COL6A6: variants seen among roughly 807,000 people sequenced by gnomAD.
COL6A6 encodes collagen type VI alpha 6 chain, also known as collagen alpha-6(VI) chain.
In COL6A6, 183 loss-of-function variants were observed where a neutral mutation model predicts 208.6. The ratio of observed to expected loss-of-function variants is 0.88; its 90% confidence interval spans 0.78 to 0.99. COL6A6 has a LOEUF of 0.99. COL6A6 is among the 50% of genes least tolerant of loss of function. COL6A6 has a pLI of 0.00. For synonymous variants in COL6A6, 973 were observed against 1,011.8 expected (o/e 0.96, Z 0.73); for missense variants, 2,816 against 2,815.2 (o/e 1.00, Z -0.01).
chr3:130,581,996 CT>C lies in COL6A6; in HGVS notation c.3902del (p.Leu1301TyrfsTer25). ...TTTTTGAATACTTTCTTAGGTGGTC[CT>C]TTTATTTTCAGATGGATTGGATGAT... is the stretch of plus-strand genomic sequence containing the variant. ...NKSAARGKVV[L>X]LFSDGLDDDV... On this transcript the variant is annotated frameshift_variant, in exon 10 of 37. Coordinates refer to ENST00000358511, the MANE Select transcript of COL6A6 (RefSeq NM_001102608.3). LOFTEE classifies it high-confidence loss of function. 1 of 1,607,878 alleles carries C rather than the reference CT, an allele frequency of 6.2e-7. No individual in the cohort carries two copies. The highest frequency in any genetic ancestry group is 8.5e-7 in the Non-Finnish European group (1 of 1,177,298).
rs2108447230 is a variant in COL6A6 at position 130,658,713 on chromosome 3, C to T, written c.5771C>T (p.Pro1924Leu). ...GGCACATTTCAAGTAATAGTGGTTC[C>T]CTCCGGGGCCGACTACATACCAGCA... ...DTGTFQVIVV[P>L]SGADYIPALE... The change falls in exon 34 of 37, where the codon CCC (proline) becomes CTC (leucine). Residue 1924 changes from proline (P) to leucine (L), a missense_variant. Transcript: ENST00000358511. The T allele has an allele frequency of 6.2e-7, 1 of 1,613,234 alleles. No individual in the cohort carries two copies.
chr3:130,526,257 A>G (rs2061959867), intron 1 of COL6A6, among the ~76,000 whole-genome samples: 1 of 152,098 alleles, frequency 6.6e-6, no homozygotes, highest in African/African-American at 2.4e-5. Context: ...GGAGAATATG[A>G]GTCCCTCTTT....
chr3:130,527,527 G>C (rs561516375), intron 1 of COL6A6, among the ~76,000 whole-genome samples: 1 of 152,326 alleles, frequency 6.6e-6, no homozygotes, highest in African/African-American at 2.4e-5. Context: ...AAGGAGAATA[G>C]AATACAATTA....
chr3:130,597,053 G>T (rs747789387), intron 18 of COL6A6, among the ~76,000 whole-genome samples: 2 of 152,118 alleles, frequency 1.3e-5, no homozygotes, highest in African/African-American at 2.4e-5. Flanking sequence ...AAATGTGCTG[G>T]TATATGATTC....
intron 1 of COL6A6, among the ~76,000 whole-genome samples, chr3:130,538,157 A>C (rs144313978): frequency 2.0e-3 from 306 of 152,362 alleles, no homozygotes; most frequent in Non-Finnish European, 3.8e-3. Context: ...CTGTGACCTG[A>C]GGAAATGCTC....
chr3:130,546,965 C>T (rs1168222000), intron 1 of COL6A6, among the ~76,000 whole-genome samples: 2 of 152,224 alleles, frequency 1.3e-5, no homozygotes, highest in South Asian at 2.1e-4. Context: ...AAAAGTTCTC[C>T]AAGTCCCCAC....
chr3:130,568,585 A>C lies in COL6A6; in HGVS notation c.2382A>C (p.Gly794=). 6.2e-7 allele frequency: 1 copy of C among 1,601,156 alleles called. No homozygotes were observed. Among genetic ancestry groups the C allele is most frequent in the East Asian group, 2.2e-5 (1 of 44,880 alleles). Residue 794 remains glycine, a synonymous_variant, in exon 6 of 37, where the codon GGA becomes GGC. Transcript: ENST00000358511. ...LQRIEDDLVF[G]ICSPREECKR... ...GCATTGAAGATGATCTTGTTTTTGGAATATGCAGCCCCCGTGAAGGTAGGC... is the reference window on the plus strand; with the variant it reads ...GCATTGAAGATGATCTTGTTTTTGGCATATGCAGCCCCCGTGAAGGTAGGC...
intron 33 of COL6A6, among the ~76,000 whole-genome samples, chr3:130,657,488 C>A (rs547209483): frequency 6.6e-6 from 1 of 152,334 alleles, no homozygotes; most frequent in South Asian, 2.1e-4. Flanking sequence ...GGCTTTGCCT[C>A]ATTTGAACAT....
intron 12 of COL6A6, among the ~76,000 whole-genome samples, chr3:130,590,653 C>T (rs1477369796): frequency 1.3e-5 from 2 of 151,766 alleles, no homozygotes; most frequent in African/African-American, 2.4e-5. Context: ...CTGCAAGCTC[C>T]GCCTCCCGGG....
chr3:130,673,642 T>TCTTGA (rs1170306880), intron 36 of COL6A6, among the ~76,000 whole-genome samples: 1 of 152,124 alleles, frequency 6.6e-6, no homozygotes, highest in East Asian at 1.9e-4. Flanking sequence ...GAGTTTATAA[T>TCTTGA]GTTCACTCTG....
In COL6A6 at chr3:130,574,516, G is replaced by T; in HGVS notation, c.3538G>T (p.Gly1180Cys). Residue 1180 changes from glycine to cysteine, a missense_variant, in exon 8 of 37, where the codon GGT becomes TGT. Gly to Cys is a radical substitution (Grantham distance 159). Transcript: ENST00000358511. ...RIVRNICTTA[G>C]ESNCFVDVVV... is the part of the protein sequence containing the mutation. ...CGTTCGCAACATCTGTACCACAGCG[G>T]GTGAAAGCAGTAAGTATTTAGCAAG... 1 of 1,612,724 alleles carries T rather than the reference G, an allele frequency of 6.2e-7. No homozygotes were observed. Among genetic ancestry groups the T allele is most frequent in the Non-Finnish European group, 8.5e-7 (1 of 1,179,100 alleles).
rs552501197 is a variant in COL6A6, at chr3:130,586,672, T to C, written c.4125+12T>C. The C allele has an allele frequency of 6.2e-7, 1 of 1,608,612 alleles. No homozygotes were observed. Among genetic ancestry groups the C allele is most frequent in the African/African-American group, 1.3e-5 (1 of 74,786 alleles). ...TGTCAAAGCAGCTGGTAAGTTATTC[T>C]GAAAAGGCTGGTGAGCTTAAATTTT... On this transcript the variant is annotated intron_variant, in intron 11 of 36. Coordinates refer to ENST00000358511, the MANE Select transcript of COL6A6 (RefSeq NM_001102608.3).
intron 23 of COL6A6, among the ~76,000 whole-genome samples, chr3:130,616,130 G>A (rs2064512788): frequency 6.6e-6 from 1 of 152,016 alleles, no homozygotes; most frequent in Non-Finnish European, 1.5e-5. Flanking sequence ...AAGTTGTTGT[G>A]TCCAAAAGAA....
At chr3:130,557,751 G>T (rs998656392) in intron 1 of COL6A6, among the ~76,000 whole-genome samples, 1 of 152,164 alleles carries the variant, frequency 6.6e-6, no homozygotes, top group South Asian at 2.1e-4. Flanking sequence ...GAATTGGTTT[G>T]TATGGAGCAG....
intron 1 of COL6A6, among the ~76,000 whole-genome samples, chr3:130,548,182 C>CT (rs375672220): frequency 4.6e-5 from 7 of 152,212 alleles, no homozygotes; most frequent in African/African-American, 1.4e-4. Flanking sequence ...TCTTCTCAAA[C>CT]TTTTTTTTAA....
chr3:130,585,301 G>A (rs2063513030), intron 10 of COL6A6, among the ~76,000 whole-genome samples: 1 of 152,080 alleles, frequency 6.6e-6, no homozygotes, highest in African/African-American at 2.4e-5. Context: ...ATGGAATTAG[G>A]CTATCTGGGT....
rs1560023801 is a variant in COL6A6, at chr3:130,582,058, TAGAAA to T, written c.3965_3969del (p.Lys1322ArgfsTer15). 1 of 1,591,650 alleles carries T rather than the reference TAGAAA, an allele frequency of 6.3e-7. No homozygotes were observed. Among genetic ancestry groups the T allele is most frequent in the Admixed American group, 1.7e-5 (1 of 57,870 alleles). ...AACTTGAACAAAAATCTGATGAACT[TAGAAA>T]AGAAGGTACTGAGTATGGAGAAGTG... On this transcript the variant is annotated frameshift_variant, in exon 10 of 37. Transcript: ENST00000358511. LOFTEE classifies it high-confidence loss of function.
chr3:130,537,130 T>C (rs2062244709), intron 1 of COL6A6, among the ~76,000 whole-genome samples: 1 of 152,244 alleles, frequency 6.6e-6, no homozygotes, highest in Non-Finnish European at 1.5e-5. Context: ...GTTAATTATT[T>C]TTTAGTGTAT....
chr3:130,593,049 C>G lies in COL6A6; in HGVS notation c.4372-12C>G, dbSNP rs1441091251. On this transcript the variant is annotated splice_polypyrimidine_tract_variant and intron_variant, in intron 15 of 36. Transcript: ENST00000358511. Reference sequence around the variant, plus strand: ...GTGATGTACTCTGTTCTAATCATATCTATCTTTTCAGGGAGAAGTTGGGGA... The same window carrying G: ...GTGATGTACTCTGTTCTAATCATATGTATCTTTTCAGGGAGAAGTTGGGGA... 6.2e-7 allele frequency: 1 copy of G among 1,611,922 alleles called. No individual in the cohort carries two copies. The highest frequency in any genetic ancestry group is 2.2e-5 in the East Asian group (1 of 44,858).
Sources: allele counts gnomAD v4.1 joint callset (sites outside exome capture counted in the v4.1 genomes callset), GRCh38; gene constraint gnomAD v4.1.1; transcripts MANE v1.5; gene names NCBI Gene and HGNC (gene_info 2026-07-23, HGNC 2026-07-21).